The following ATP6V0D1 variants were observed in gnomAD, a reference collection of about 807,000 sequenced individuals.
ATP6V0D1 encodes the protein ATPase H+ transporting V0 subunit d1.
A neutral mutation model predicts 39.0 loss-of-function variants in ATP6V0D1; 13 were observed. The observed-to-expected ratio is 0.33, with a 90% CI of 0.22 to 0.53. The LOEUF (loss-of-function observed/expected upper bound fraction) is 0.53, where lower values mean the gene tolerates loss of function less well. ATP6V0D1 is among the 20% of genes least tolerant of loss of function. ATP6V0D1 has a pLI of 0.94. For synonymous variants in ATP6V0D1, 191 were observed against 191.2 expected (o/e 1.00, Z 0.01); for missense variants, 272 against 470.9 (o/e 0.58, Z 3.91).
intron 1 of ATP6V0D1, among the ~76,000 whole-genome samples, chr16:67,466,257 G>A (rs573236482): frequency 6.6e-6 from 1 of 151,648 alleles, no homozygotes; most frequent in South Asian, 2.1e-4. Context: ...AAGATGGGCA[G>A]ATCACCTGCG....
chr16:67,477,557 CAG>C (rs1488687735), intron 1 of ATP6V0D1, among the ~76,000 whole-genome samples: 2 of 151,940 alleles, frequency 1.3e-5, no homozygotes, highest in East Asian at 1.9e-4. Context: ...TGAAACAAGA[CAG>C]ATAATTATTT....
chr16:67,461,274 T>C (rs1181058439), intron 1 of ATP6V0D1, among the ~76,000 whole-genome samples: 1 of 152,198 alleles, frequency 6.6e-6, no homozygotes, highest in Non-Finnish European at 1.5e-5. Flanking sequence ...TTGTGCAGCA[T>C]GAGCATGCTA....
chr16:67,441,930 G>A (rs535403330), intron 4 of ATP6V0D1, among the ~76,000 whole-genome samples: 24 of 152,222 alleles, frequency 1.6e-4, no homozygotes, highest in Non-Finnish European at 3.1e-4. Context: ...GGCTGACCCT[G>A]CCCACGGGAC....
chr16:67,471,991 TC>T (rs1442816593), intron 1 of ATP6V0D1, among the ~76,000 whole-genome samples: 2 of 151,888 alleles, frequency 1.3e-5, no homozygotes, highest in Non-Finnish European at 2.9e-5. Flanking sequence ...CCTCCACAAT[TC>T]CCCTTTTCTT....
intron 2 of ATP6V0D1, chr16:67,452,500 GC>G: frequency 8.9e-7 from 1 of 1,125,100 alleles, no homozygotes; most frequent in Non-Finnish European, 1.3e-6. Context: ...GGGCAGGTGT[GC>G]CAGGTCCCAA....
chr16:67,463,923 T>A (rs1441825265), intron 1 of ATP6V0D1, among the ~76,000 whole-genome samples: 1 of 152,124 alleles, frequency 6.6e-6, no homozygotes, highest in Non-Finnish European at 1.5e-5. Flanking sequence ...GGAAGCTAGG[T>A]CCAAATGACT....
At chr16:67,445,974 T>C (rs1318895676) in intron 2 of ATP6V0D1, 1 of 455,756 alleles carries the variant, frequency 2.2e-6, no homozygotes, top group Admixed American at 2.4e-5. Context: ...ACCTATGGGA[T>C]AAAAGTTGGG....
intron 1 of ATP6V0D1, among the ~76,000 whole-genome samples, chr16:67,477,746 C>G (rs1249516211): frequency 6.6e-6 from 1 of 152,016 alleles, no homozygotes; most frequent in Non-Finnish European, 1.5e-5. Flanking sequence ...GATCTCGGCT[C>G]ACTGCAAGCT....
At position 67,453,496 on chromosome 16, in the gene ATP6V0D1, A is replaced by G. The variant is rs2041204602; in HGVS notation, c.302+48T>C. On this transcript the variant is annotated intron_variant, in intron 2 of 7. Coordinates refer to ENST00000290949, the MANE Select transcript of ATP6V0D1 (RefSeq NM_004691.5). This position sits in a 1 kb window ranked among gnomAD's most constrained non-coding sequence, Gnocchi z 4.1. ...CACTGAACCCAGCTCCTGCAGGTGT[A>G]GCTATCCTGCCCAGGTAAGAGAAGA... is the stretch of plus-strand genomic sequence containing the variant. The G allele has an allele frequency of 6.3e-7, 1 of 1,598,644 alleles. No individual in the cohort carries two copies. Among genetic ancestry groups the G allele is most frequent in the Non-Finnish European group, 8.6e-7 (1 of 1,169,200 alleles).
intron 1 of ATP6V0D1, among the ~76,000 whole-genome samples, chr16:67,464,609 C>T (rs2041314972): frequency 6.6e-6 from 1 of 152,352 alleles, no homozygotes; most frequent in African/African-American, 2.4e-5. Context: ...CTGATGACAG[C>T]TGCAGGGGAG....
intron 1 of ATP6V0D1, among the ~76,000 whole-genome samples, chr16:67,477,938 G>T (rs2041430199): frequency 6.6e-6 from 1 of 152,046 alleles, no homozygotes; most frequent in Admixed American, 6.6e-5. Context: ...CAAAGTGCTG[G>T]GATTACAGGC....
chr16:67,439,030 C>A lies in ATP6V0D1; in HGVS notation c.757G>T (p.Ala253Ser), dbSNP rs200097996. The stretch of plus-strand genomic sequence containing the variant: ...TAGTCGTCAGCCCGAGCCAGCTGCG[C>A]CAGGCCCTCAGGGTAGAGCCGCCCA... Reference protein sequence around the residue: ...HCGRLYPEGLAQLARADDYEQ... With the variant: ...HCGRLYPEGLSQLARADDYEQ... The change falls in exon 6 of 8, where the codon GCG (alanine) becomes TCG (serine). Residue 253 changes from alanine (A) to serine (S), a missense_variant. Coordinates refer to ENST00000290949, the MANE Select transcript of ATP6V0D1 (RefSeq NM_004691.5). 1.2e-6 allele frequency: 2 copies of A among 1,614,214 alleles called. No individual in the cohort carries two copies. The highest frequency in any genetic ancestry group is 1.7e-6 in the Non-Finnish European group (2 of 1,180,036).
chr16:67,443,220 G>C, intron 3 of ATP6V0D1, 42 bp from the exon 4 acceptor site: 1 of 1,598,802 alleles, frequency 6.3e-7, no homozygotes, highest in African/African-American at 1.3e-5. Flanking sequence ...AGGTGGCCTA[G>C]GCCAGAATCC....
intron 1 of ATP6V0D1, chr16:67,457,615 C>T: frequency 7.8e-7 from 1 of 1,289,534 alleles, no homozygotes; most frequent in Non-Finnish European, 1.0e-6. Context: ...CACTCAGGGA[C>T]AAGTCCCTCT....
At chr16:67,474,551 G>A (rs1013685851) in intron 1 of ATP6V0D1, among the ~76,000 whole-genome samples, 1 of 152,108 alleles carries the variant, frequency 6.6e-6, no homozygotes, top group African/African-American at 2.4e-5. Context: ...TTATTTTCAG[G>A]CTCTCCTTTG....
rs947346432 is a variant in ATP6V0D1, at chr16:67,444,492, C to G, written c.481+36G>C. ...CACCCTGATGCGCTGATGCTGACAC[C>G]ACTGCCCACCTCCCATGACCACCAC... On this transcript the variant is annotated intron_variant, in intron 3 of 7. Transcript: ENST00000290949. This position sits in a 1 kb window ranked among gnomAD's most constrained non-coding sequence, Gnocchi z 4.8. 6.4e-7 allele frequency: 1 copy of G among 1,556,870 alleles called. No homozygotes were observed. The highest frequency in any genetic ancestry group is 8.7e-7 in the Non-Finnish European group (1 of 1,143,110).
chr16:67,481,139 G>T lies in ATP6V0D1; in HGVS notation c.-53C>A. ...GAACCAGGACCGGCCGGCACGAATC[G>T]CGACTCCCCAGGTCAGCTGACGCTG... On this transcript the variant is annotated 5_prime_UTR_variant, in exon 1 of 8. Transcript: ENST00000290949. The T allele has an allele frequency of 6.2e-7, 1 of 1,609,434 alleles. No homozygotes were observed. Among genetic ancestry groups the T allele is most frequent in the Non-Finnish European group, 8.5e-7 (1 of 1,177,060 alleles).
intron 1 of ATP6V0D1, among the ~76,000 whole-genome samples, chr16:67,461,848 G>A (rs960426664): frequency 6.6e-6 from 1 of 152,186 alleles, no homozygotes; most frequent in Admixed American, 6.5e-5. Context: ...GAAGCAAAAG[G>A]ATGTCTGCCC....
chr16:67,480,035 T>C (rs1456369491), intron 1 of ATP6V0D1, among the ~76,000 whole-genome samples: 1 of 126,694 alleles, frequency 7.9e-6, no homozygotes, highest in Non-Finnish European at 1.5e-5. Context: ...CCGTCTCTAC[T>C]AAAAATACAA....
Sources: gnomAD v4.1 joint callset for allele counts (sites outside exome capture counted in the v4.1 genomes callset) on GRCh38, gnomAD v4.1.1 for gene constraint, Gnocchi (gnomAD v3.1) non-coding constraint, MANE v1.5 for transcripts, NCBI Gene and HGNC (gene_info 2026-07-23, HGNC 2026-07-21) for gene names.